The following CSDE1 variants were observed in gnomAD, a reference collection of about 807,000 sequenced individuals.
CSDE1 encodes cold shock domain containing E1.
Under a neutral mutation model 89.3 loss-of-function variants are expected in CSDE1, and 17 were observed. The ratio of observed to expected loss-of-function variants is 0.19; its 90% confidence interval spans 0.13 to 0.29. The LOEUF (loss-of-function observed/expected upper bound fraction) is 0.29. Ranked by LOEUF, CSDE1 falls within the 10% of genes least tolerant of loss-of-function variation. CSDE1 has a pLI of 1.00. For synonymous variants in CSDE1, 322 were observed against 332.8 expected (o/e 0.97, Z 0.35); for missense variants, 672 against 984.2 (o/e 0.68, Z 4.24).
chr1:114,740,467 A>C (rs757132197), intron 2 of CSDE1, among the ~76,000 whole-genome samples: 1 of 152,240 alleles, frequency 6.6e-6, no homozygotes, highest in African/African-American at 2.4e-5. Flanking sequence ...ACTATCCAAA[A>C]TAGTGCAGTA....
chr1:114,731,184 A>G (rs1570913763), intron 10 of CSDE1, among the ~76,000 whole-genome samples: 1 of 151,940 alleles, frequency 6.6e-6, no homozygotes, highest in East Asian at 1.9e-4. Flanking sequence ...AACATGGTAG[A>G]TACTCATGTT....
chr1:114,723,974 G>A lies in CSDE1; in HGVS notation c.1782C>T (p.Pro594=), dbSNP rs1557990928. ...GAATTACTTTGCCAGAGTAAATGGT[G>A]GGATCAGCTTCCTCAGTAATGCCAT... ...SVNGITEEAD[P]TIYSGKVIRP... is the part of the protein sequence containing the mutation. Residue 594 remains proline, a synonymous_variant, in exon 16 of 20, where the codon CCC becomes CCT. Coordinates refer to ENST00000358528, the MANE Select transcript of CSDE1 (RefSeq NM_001007553.3). The A allele has an allele frequency of 6.2e-7, 1 of 1,613,836 alleles. No homozygotes were observed. The highest frequency in any genetic ancestry group is 8.5e-7 in the Non-Finnish European group (1 of 1,179,832).
intron 10 of CSDE1, among the ~76,000 whole-genome samples, chr1:114,731,133 A>G (rs1159916489): frequency 4.0e-5 from 6 of 151,798 alleles, no homozygotes; most frequent in Non-Finnish European, 4.4e-5. Context: ...TTCTTACTAA[A>G]TTATCAGCTT....
chr1:114,720,920 G>C (rs1057037802), intron 16 of CSDE1, among the ~76,000 whole-genome samples: 2 of 152,132 alleles, frequency 1.3e-5, no homozygotes, highest in African/African-American at 4.8e-5. Context: ...GAATGTCACA[G>C]CTCCCATCAG....
At chr1:114,746,475 C>T (rs1257083121) in intron 2 of CSDE1, 1 of 151,956 alleles carries the variant, frequency 6.6e-6, no homozygotes, top group Non-Finnish European at 1.5e-5. Flanking sequence ...TCTAGTATTC[C>T]AATTTGGTGA....
intron 3 of CSDE1, among the ~76,000 whole-genome samples, 186 bp downstream of exon 3, chr1:114,739,506 A>G (rs1218682517): frequency 6.6e-6 from 1 of 152,236 alleles, no homozygotes; most frequent in African/African-American, 2.4e-5. Context: ...ATTTATTGTA[A>G]ATATATGCAA....
intron 9 of CSDE1, 64 bp downstream of exon 9, chr1:114,733,668 A>G: frequency 7.0e-7 from 1 of 1,434,622 alleles, no homozygotes; most frequent in Non-Finnish European, 9.6e-7. Flanking sequence ...ATCTCAGTAT[A>G]CCACACCATA....
At chr1:114,745,002 T>TA (rs927746916) in intron 2 of CSDE1, among the ~76,000 whole-genome samples, 7 of 151,092 alleles carry the variant, frequency 4.6e-5, no homozygotes, top group Non-Finnish European at 7.4e-5. Context: ...CATTAAACAT[T>TA]AAAAAAAAAC....
Position 114,717,873 on chromosome 1 carries a change from T to A in CSDE1, c.*296A>T, listed in dbSNP as rs565950090. 140 of 381,388 alleles carry A rather than the reference T, an allele frequency of 3.7e-4. 2 individuals carry two copies. The South Asian group carries it at 7.2e-3, about 20-fold the overall frequency. 23.6% of individuals were successfully genotyped at this position (381,388 alleles called of 1,614,324 possible). A position where few individuals can be genotyped will look rare whatever the true frequency, so the allele number is the denominator to read the frequency against. ...ATATTTTTCACTTACACAGGCAAAG[T>A]GGATTCTGCAATTACCAGTTGCGTT... is the stretch of plus-strand genomic sequence containing the variant. On this transcript the variant is annotated 3_prime_UTR_variant, in exon 20 of 20. Coordinates refer to ENST00000358528, the MANE Select transcript of CSDE1 (RefSeq NM_001007553.3).
rs1435522723 is a variant in CSDE1 at position 114,727,103 on chromosome 1, A to C, written c.1357-13T>G. 1.3e-6 allele frequency: 2 copies of C among 1,551,156 alleles called. No homozygotes were observed. The highest frequency in any genetic ancestry group is 1.8e-6 in the Non-Finnish European group (2 of 1,124,660). On this transcript the variant is annotated splice_polypyrimidine_tract_variant and intron_variant, in intron 12 of 19. Coordinates refer to ENST00000358528, the MANE Select transcript of CSDE1 (RefSeq NM_001007553.3). Reference sequence around the variant, plus strand: ...CATCCTCAGCCTCCTAAAGAGATACAGTCAAAAACAGAATGAAAACAATCT... The same window carrying C: ...CATCCTCAGCCTCCTAAAGAGATACCGTCAAAAACAGAATGAAAACAATCT...
chr1:114,720,531 G>A lies in CSDE1; in HGVS notation c.2052+8C>T, dbSNP rs972785118. 4.4e-6 allele frequency: 7 copies of A among 1,604,096 alleles called. No homozygotes were observed. In the African/African-American group the frequency reaches 9.4e-5, roughly 21 times the overall value. The stretch of plus-strand genomic sequence containing the variant: ...ATCAAATTCAGATACAGAGATGCTG[G>A]CACTTACCTGATCTTTCACACATTC... On this transcript the variant is annotated splice_region_variant and intron_variant, in intron 17 of 19. Transcript: ENST00000358528.
At chr1:114,735,024 C>T (rs1660321258) in intron 6 of CSDE1, among the ~76,000 whole-genome samples, 1 of 152,120 alleles carries the variant, frequency 6.6e-6, no homozygotes, top group Non-Finnish European at 1.5e-5. Flanking sequence ...TAGTAGCTAT[C>T]TCATTAATTA....
In CSDE1 at chr1:114,718,016, A is replaced by G. The variant is rs1659283021; in HGVS notation, c.*153T>C. 3.0e-6 allele frequency: 2 copies of G among 677,372 alleles called. No individual in the cohort carries two copies. The highest frequency in any genetic ancestry group is 5.0e-6 in the Non-Finnish European group (2 of 398,698). 42.0% of individuals were successfully genotyped at this position (677,372 alleles called of 1,614,324 possible). ...CTTAAATTTATTTATTTTTTTAAAC[A>G]TAACACGAGGAAGGTGTTAAAACTG... On this transcript the variant is annotated 3_prime_UTR_variant, in exon 20 of 20. Transcript: ENST00000358528.
In CSDE1 at chr1:114,734,640, A is replaced by G. The variant is rs192993159; in HGVS notation, c.501-117T>C. 13 of 702,694 alleles carry G rather than the reference A, an allele frequency of 1.9e-5. No individual in the cohort carries two copies. The East Asian group carries it at 3.4e-4, about 18-fold the overall frequency. 43.5% of individuals were successfully genotyped at this position (702,694 alleles called of 1,614,324 possible). A position where few individuals can be genotyped will look rare whatever the true frequency, so the allele number is the denominator to read the frequency against. On this transcript the variant is annotated intron_variant, in intron 6 of 19. Transcript: ENST00000358528. ...CTGGGGCTTTAAGAATTCTATCATC[A>G]CTAAGAATAAATACAGGGTTTATGA... is the stretch of plus-strand genomic sequence containing the variant.
rs115438476 is a variant in CSDE1, at chr1:114,748,588, T to C, written c.-1+1233A>G. On this transcript the variant is annotated intron_variant, in intron 2 of 19. Coordinates refer to ENST00000358528, the MANE Select transcript of CSDE1 (RefSeq NM_001007553.3). Reference sequence around the variant, plus strand: ...GTAAGTTACTACTCTAACTTCCCTATTCCTATGAACAATGAAGGTTTCTAG... The same window carrying C: ...GTAAGTTACTACTCTAACTTCCCTACTCCTATGAACAATGAAGGTTTCTAG... 6.1e-3 allele frequency among the ~76,000 whole-genome samples: 922 copies of C among 152,334 alleles called. 9 individuals carry two copies. Among genetic ancestry groups the C allele is most frequent in the African/African-American group, 0.021 (873 of 41,568 alleles).
At chr1:114,739,428 C>T (rs1057373236) in intron 3 of CSDE1, among the ~76,000 whole-genome samples, 2 of 152,170 alleles carry the variant, frequency 1.3e-5, no homozygotes, top group African/African-American at 4.8e-5. Flanking sequence ...GTTCAATATT[C>T]GTACTGGCTT....
chr1:114,724,090 G>A, intron 15 of CSDE1, 88 bp from the exon 16 acceptor site: 1 of 1,438,210 alleles, frequency 7.0e-7, no homozygotes. Flanking sequence ...CAGCACAAAT[G>A]TTAACAGGGT....
At chr1:114,747,742 C>T (rs925022326) in intron 2 of CSDE1, among the ~76,000 whole-genome samples, 3 of 152,028 alleles carry the variant, frequency 2.0e-5, no homozygotes, top group Non-Finnish European at 2.9e-5. Flanking sequence ...CCTGTAATTT[C>T]AGCTACTCAG....
At chr1:114,733,699 CG>C (rs1394239990) in intron 9 of CSDE1, 32 bp downstream of exon 9, 1 of 1,596,134 alleles carries the variant, frequency 6.3e-7, no homozygotes, top group Non-Finnish European at 8.6e-7. Context: ...ACTACTGAGG[CG>C]AAATAGGACT....
Sources: allele counts gnomAD v4.1 joint callset (sites outside exome capture counted in the v4.1 genomes callset), GRCh38; gene constraint gnomAD v4.1.1; transcripts MANE v1.5; gene names NCBI Gene and HGNC (gene_info 2026-07-23, HGNC 2026-07-21).